Variants in LIMCH1 observed in about 807,000 individuals in gnomAD.
LIMCH1 encodes the protein LIM and calponin homology domains 1.
A neutral mutation model predicts 176.5 loss-of-function variants in LIMCH1; 113 were observed. The ratio of observed to expected loss-of-function variants is 0.64; its 90% CI spans 0.55 to 0.75. The LOEUF (loss-of-function observed/expected upper bound fraction) is 0.75, where lower values mean the gene tolerates loss of function less well. LIMCH1 is among the 30% of genes least tolerant of loss of function. The probability of loss-of-function intolerance (pLI) is 0.00; values close to 1 mark genes in which losing one functional copy is unlikely to be tolerated. For missense variants in LIMCH1, 1,674 were observed against 1,814.9 expected, an observed-to-expected ratio of 0.92 and a Z score of 1.41; for synonymous variants, 619 against 645.9, an observed-to-expected ratio of 0.96 and a Z score of 0.63.
chr4:41,656,289 T>C (rs1473716966), intron 18 of LIMCH1, among the ~76,000 whole-genome samples: 1 of 152,238 alleles, frequency 6.6e-6, no homozygotes, highest in Non-Finnish European at 1.5e-5. Flanking sequence ...TTCTTATAAC[T>C]GAGACCAACT....
At chr4:41,642,006 A>C (rs1047033826) in intron 14 of LIMCH1, among the ~76,000 whole-genome samples, 2 of 152,188 alleles carry the variant, frequency 1.3e-5, no homozygotes, top group African/African-American at 4.8e-5. Context: ...CATTTTCTCC[A>C]TGCCCATTGG....
rs866492660 is a variant in LIMCH1, at chr4:41,681,046, G to T, written c.3704G>T (p.Gly1235Val). 1 of 1,605,906 alleles carries T rather than the reference G, an allele frequency of 6.2e-7. No homozygotes were observed. Among genetic ancestry groups the T allele is most frequent in the South Asian group, 1.1e-5 (1 of 90,804 alleles). Residue 1235 changes from glycine (G) to valine (V), a missense_variant, in exon 25 of 32, where the codon GGC (glycine) becomes GTC (valine). Coordinates refer to ENST00000503057, the MANE Select transcript of LIMCH1 (RefSeq NM_001330672.2). Reference protein sequence around the residue: ...QLSTSSSMTEGSGTMNKIDLG... With the variant: ...QLSTSSSMTEVSGTMNKIDLG... ...TCTACCTCTTCCTCCATGACTGAAG[G>T]CAGTGGGACAATGGTGAGACCACAG...
rs796737136 is a variant in LIMCH1 at position 41,466,652 on chromosome 4, A to C, written c.97-27884A>C. On this transcript the variant is annotated intron_variant, in intron 1 of 26. Transcript: ENST00000313860. ...CCTAAAGCTATCTCTAAATAGCCAG[A>C]ATGATAGATTTCCTGTGTCATTTTT... 4.6e-5 allele frequency among the ~76,000 whole-genome samples: 7 copies of C among 152,318 alleles called. No homozygotes were observed. The East Asian group carries it at 9.6e-4, about 21-fold the overall frequency.
chr4:41,674,378 G>A (rs770684422), intron 22 of LIMCH1, among the ~76,000 whole-genome samples: 6 of 152,186 alleles, frequency 3.9e-5, no homozygotes, highest in South Asian at 2.1e-4. Flanking sequence ...ACAAAGAGGG[G>A]CCATGCCCCT....
At chr4:41,634,987 C>T (rs1299415110) in intron 13 of LIMCH1, among the ~76,000 whole-genome samples, 1 of 152,160 alleles carries the variant, frequency 6.6e-6, no homozygotes, top group Non-Finnish European at 1.5e-5. Context: ...GAGGTGAGGC[C>T]TAGAGACTGC....
chr4:41,400,832 A>G (rs2058356974), intron 1 of LIMCH1, among the ~76,000 whole-genome samples: 2 of 152,238 alleles, frequency 1.3e-5, no homozygotes, highest in South Asian at 2.1e-4. Context: ...CAGAAATTTC[A>G]TAGCCAAATA....
chr4:41,646,703 AG>A lies in LIMCH1; in HGVS notation c.2631del (p.Gln877HisfsTer45), dbSNP rs1422385592. 6.2e-7 allele frequency: 1 copy of A among 1,614,222 alleles called. No individual in the cohort carries two copies. Among genetic ancestry groups the A allele is most frequent in the Non-Finnish European group, 8.5e-7 (1 of 1,180,044 alleles). On this transcript the variant is annotated frameshift_variant, in exon 17 of 32. Transcript: ENST00000503057. LOFTEE classifies it high-confidence loss of function. ...DPNPMKYLRQQSLPPPKFTAT... is the reference protein window; with the variant it reads ...DPNPMKYLRQXSLPPPKFTAT... ...AATCCCATGAAATACCTGCGGCAAC[AG>A]TCACTGCCTCCACCCAAATTCACTG...
At chr4:41,528,836 A>C (rs2076957662) in intron 3 of LIMCH1, among the ~76,000 whole-genome samples, 1 of 152,242 alleles carries the variant, frequency 6.6e-6, no homozygotes, top group Admixed American at 6.5e-5. Context: ...TAGATTTACA[A>C]AGGCATGAAT....
chr4:41,674,246 G>A (rs1044298356), intron 22 of LIMCH1, among the ~76,000 whole-genome samples: 3 of 151,938 alleles, frequency 2.0e-5, no homozygotes, highest in Admixed American at 6.6e-5. Context: ...TGAGAGCACC[G>A]CCTAGTGAAA....
At position 41,580,794 on chromosome 4, in the gene LIMCH1, CA is replaced by C. The variant is rs553083614; in HGVS notation, c.-240-18122del. ...GCCCACTTAAGGGAAAATAAGATAGCAAAAGAGTACAAACTAAAGACAAAGA... is the reference window on the plus strand; with the variant it reads ...GCCCACTTAAGGGAAAATAAGATAGCAAAGAGTACAAACTAAAGACAAAGA... On this transcript the variant is annotated intron_variant, in intron 1 of 31. Transcript: ENST00000503057. Among the ~76,000 whole-genome samples, 36 of 152,120 alleles carry C rather than the reference CA, an allele frequency of 2.4e-4. No homozygotes were observed. In the South Asian group the frequency reaches 7.5e-3, roughly 32 times the overall value.
intron 22 of LIMCH1, 70 bp from the exon 23 acceptor site, chr4:41,676,312 C>G (rs1016889859): frequency 1.9e-5 from 24 of 1,253,672 alleles, no homozygotes; most frequent in Non-Finnish European, 2.3e-5. Flanking sequence ...GGCCAATTGT[C>G]TACTCTTCAC....
At chr4:41,450,086 C>T (rs1287263252) in intron 1 of LIMCH1, among the ~76,000 whole-genome samples, 1 of 152,142 alleles carries the variant, frequency 6.6e-6, no homozygotes, top group East Asian at 1.9e-4. Flanking sequence ...AGGTCACATT[C>T]TGAAGGTACT....
chr4:41,469,415 G>A (rs2066617042), intron 1 of LIMCH1, among the ~76,000 whole-genome samples: 1 of 152,112 alleles, frequency 6.6e-6, no homozygotes, highest in Admixed American at 6.5e-5. Flanking sequence ...TCTCTAGAAT[G>A]TCCTCCTGTG....
At chr4:41,646,427 G>C (rs2094062133) in intron 16 of LIMCH1, 58 bp from the exon 17 acceptor site, 2 of 1,574,368 alleles carry the variant, frequency 1.3e-6, no homozygotes, top group South Asian at 2.3e-5. Context: ...TTTCTACCAA[G>C]GTCTTCTTTG....
At chr4:41,366,987 C>G (rs2053108557) in intron 1 of LIMCH1, among the ~76,000 whole-genome samples, 1 of 152,160 alleles carries the variant, frequency 6.6e-6, no homozygotes, top group African/African-American at 2.4e-5. Flanking sequence ...GGAAGCAAGA[C>G]AGGTCTCATA....
intron 28 of LIMCH1, among the ~76,000 whole-genome samples, chr4:41,687,289 C>T (rs951962393): frequency 3.9e-5 from 6 of 152,152 alleles, no homozygotes; most frequent in Admixed American, 6.5e-5. Flanking sequence ...TTGATGCCCA[C>T]GACATATCAG....
At chr4:41,666,462 T>C (rs2094829940) in intron 20 of LIMCH1, 99 bp from the exon 21 acceptor site, 2 of 708,112 alleles carry the variant, frequency 2.8e-6, no homozygotes, top group Non-Finnish European at 4.8e-6. Context: ...TTGAACTGAA[T>C]GACTTCTATA....
intron 20 of LIMCH1, among the ~76,000 whole-genome samples, chr4:41,664,982 T>C (rs2094773020): frequency 1.3e-5 from 2 of 152,260 alleles, no homozygotes; most frequent in South Asian, 4.1e-4. Flanking sequence ...CTGAATACTG[T>C]TTTGTTGACT....
chr4:41,578,868 AT>A (rs2084932085), intron 1 of LIMCH1, among the ~76,000 whole-genome samples: 1 of 151,854 alleles, frequency 6.6e-6, no homozygotes. Context: ...CACCTGGCTA[AT>A]TTTTAAATTT....
Sources: gnomAD v4.1 joint callset for allele counts (sites outside exome capture counted in the v4.1 genomes callset) on GRCh38, gnomAD v4.1.1 for gene constraint, MANE v1.5 for transcripts, NCBI Gene and HGNC (gene_info 2026-07-23, HGNC 2026-07-21) for gene names.